LRCH3: variants seen among roughly 807,000 people sequenced by gnomAD.
LRCH3 encodes DISP complex protein LRCH3.
In LRCH3, 68 loss-of-function variants were observed where a neutral mutation model predicts 104.5. The ratio of observed to expected loss-of-function variants is 0.65; its 90% CI spans 0.54 to 0.80. The LOEUF (loss-of-function observed/expected upper bound fraction) is 0.80. LRCH3 is among the 30% of genes least tolerant of loss of function. The pLI is 0.00. For missense variants in LRCH3, 951 were observed against 953.9 expected, an observed-to-expected ratio of 1.00 and a Z score of 0.04; for synonymous variants, 344 against 361.3, an observed-to-expected ratio of 0.95 and a Z score of 0.54.
Position 197,885,610 on chromosome 3 carries a change from CA to C in LRCH3, c.*1951del. The C allele has an allele frequency of 6.6e-6, 1 of 152,278 alleles. No homozygotes were observed. The highest frequency in any genetic ancestry group is 1.5e-5 in the Non-Finnish European group (1 of 68,116). 9.4% of individuals were successfully genotyped at this position (152,278 alleles called of 1,614,324 possible). On this transcript the variant is annotated 3_prime_UTR_variant, in exon 21 of 21. Transcript: ENST00000425562. ...GGGCAACAAAAGCGAAATTCCATCT[CA>C]AAAAAAGAAAACGCGCCCCATCTCG...
rs1305627285 is a variant in LRCH3 at position 197,835,800 on chromosome 3, A to G, written c.1229A>G (p.Glu410Gly). 1.2e-6 allele frequency: 2 copies of G among 1,614,156 alleles called. No homozygotes were observed. The highest frequency in any genetic ancestry group is 1.1e-5 in the South Asian group (1 of 91,084). ...AGTTCACAGTTTATGGCGTATATTG[A>G]ACAGCGGCGAATCTCTCATGAGGTA... ...SLSSQFMAYI[E>G]QRRISHEGSP... is the part of the protein sequence containing the mutation. The change falls in exon 9 of 21, where the codon GAA (glutamate) becomes GGA (glycine). Residue 410 changes from glutamate (E) to glycine (G), a missense_variant. By Grantham distance (98) the Glu-to-Gly change is moderately conservative. Coordinates refer to ENST00000425562, the MANE Select transcript of LRCH3 (RefSeq NM_001365715.1).
chr3:197,887,083 T>C lies in LRCH3; in HGVS notation c.*3417T>C, dbSNP rs1714258170. The C allele has an allele frequency of 6.6e-6, 1 of 152,238 alleles. No individual in the cohort carries two copies. Among genetic ancestry groups the C allele is most frequent in the African/African-American group, 2.4e-5 (1 of 41,468 alleles). 9.4% of individuals were successfully genotyped at this position (152,238 alleles called of 1,614,324 possible). A position where few individuals can be genotyped will look rare whatever the true frequency, so the allele number is the denominator to read the frequency against. On this transcript the variant is annotated 3_prime_UTR_variant, in exon 21 of 21. Coordinates refer to ENST00000425562, the MANE Select transcript of LRCH3 (RefSeq NM_001365715.1). ...AAAATATCAAATGCTTTGAATTTTT[T>C]TTCTCTTTTTTCAAACCCTCTGCAG...
At chr3:197,872,940 G>A (rs1444974100) in intron 19 of LRCH3, among the ~76,000 whole-genome samples, 1 of 152,210 alleles carries the variant, frequency 6.6e-6, no homozygotes, top group East Asian at 1.9e-4. Flanking sequence ...AACAAGCCGG[G>A]ACTAAAGCCT....
rs551370178 is a variant in LRCH3 at position 197,883,895 on chromosome 3, C to A, written c.*229C>A. The A allele has an allele frequency of 5.6e-5, 25 of 443,140 alleles. No individual in the cohort carries two copies. The highest frequency in any genetic ancestry group is 4.8e-4 in the African/African-American group (24 of 49,518). 27.5% of individuals were successfully genotyped at this position (443,140 alleles called of 1,614,324 possible). On this transcript the variant is annotated 3_prime_UTR_variant, in exon 21 of 21. Transcript: ENST00000425562. The surrounding 1 kb of genome is among the most constrained non-coding windows in gnomAD (Gnocchi z 4.2). Reference sequence around the variant, plus strand: ...CCATTGGTTTTCTCAGATGAAACTTCTCTTACTGAAAACCCAGCACCTAAC... The same window carrying A: ...CCATTGGTTTTCTCAGATGAAACTTATCTTACTGAAAACCCAGCACCTAAC...
At chr3:197,873,852 C>T (rs1712537471) in intron 19 of LRCH3, among the ~76,000 whole-genome samples, 2 of 152,016 alleles carry the variant, frequency 1.3e-5, no homozygotes, top group Admixed American at 1.3e-4. Context: ...GAAACCCCAT[C>T]TCTACTAAAA....
chr3:197,813,537 T>C (rs1453189709), intron 1 of LRCH3, among the ~76,000 whole-genome samples: 3 of 125,362 alleles, frequency 2.4e-5, no homozygotes, highest in Non-Finnish European at 3.3e-5. Context: ...TTTTTTTTTT[T>C]TTTTTTTTTT....
intron 12 of LRCH3, 72 bp downstream of exon 12, chr3:197,848,093 G>A: frequency 2.0e-6 from 3 of 1,501,330 alleles, no homozygotes; most frequent in African/African-American, 1.4e-5. Context: ...AGGCCCGTTG[G>A]TTTTTATTGT....
chr3:197,867,578 G>T (rs1437219679), intron 17 of LRCH3, among the ~76,000 whole-genome samples: 1 of 152,006 alleles, frequency 6.6e-6, no homozygotes, highest in Non-Finnish European at 1.5e-5. Flanking sequence ...AATTGGCTGG[G>T]TGCGGTGGCT....
chr3:197,792,594 TATATATATATAAAATATAC>T (rs1461404863), intron 1 of LRCH3, among the ~76,000 whole-genome samples: 7 of 72,882 alleles, frequency 9.6e-5, no homozygotes, highest in Non-Finnish European at 1.7e-4. Context: ...TATATATATA[TATATATATATAAAATATAC>T]ATATATATAT....
chr3:197,869,535 G>A (rs1298114269), intron 17 of LRCH3, among the ~76,000 whole-genome samples: 1 of 148,104 alleles, frequency 6.8e-6, no homozygotes, highest in African/African-American at 2.6e-5. Context: ...CACTGTACCT[G>A]CAGGAGGTAG....
At position 197,847,722 on chromosome 3, in the gene LRCH3, A is replaced by T. The variant is rs79079984; in HGVS notation, c.1381-150A>T. Reference sequence around the variant, plus strand: ...ATAAGAACCGTGCAAAGACGGGAAAAGATTAGCCAATAAACACATTTCAAG... The same window carrying T: ...ATAAGAACCGTGCAAAGACGGGAAATGATTAGCCAATAAACACATTTCAAG... On this transcript the variant is annotated intron_variant, in intron 11 of 20. Transcript: ENST00000425562. 845 of 792,320 alleles carry T rather than the reference A, an allele frequency of 1.1e-3. 6 individuals are homozygous for T. The African/African-American group carries it at 0.013, about 12-fold the overall frequency. The allele number at this position is 792,320 out of a possible 1,614,324, so 49.1% of individuals were successfully genotyped here. A position where few individuals can be genotyped will look rare whatever the true frequency, so the allele number is the denominator to read the frequency against.
At chr3:197,797,029 A>G (rs969677100) in intron 1 of LRCH3, among the ~76,000 whole-genome samples, 5 of 150,574 alleles carry the variant, frequency 3.3e-5, no homozygotes, top group Middle Eastern at 6.3e-3. Flanking sequence ...TGTCTCTACT[A>G]AAAATACAAA....
intron 20 of LRCH3, chr3:197,882,569 A>G (rs1713874599): frequency 2.1e-6 from 2 of 957,504 alleles, no homozygotes; most frequent in African/African-American, 3.6e-5. Context: ...TAACAAACAT[A>G]TATAATCTTT....
intron 1 of LRCH3, among the ~76,000 whole-genome samples, chr3:197,806,223 G>T (rs1732471882): frequency 1.3e-5 from 2 of 152,064 alleles, no homozygotes; most frequent in Admixed American, 1.3e-4. Context: ...ACTGCGCCTG[G>T]CCTATGTTTT....
At chr3:197,846,399 A>C (rs902821990) in intron 10 of LRCH3, among the ~76,000 whole-genome samples, 1 of 149,794 alleles carries the variant, frequency 6.7e-6, no homozygotes. Context: ...AAAAAAAAAA[A>C]ACAAAAAAAA....
At chr3:197,858,792 A>C (rs1740560111) in intron 14 of LRCH3, 42 bp from the exon 15 acceptor site, 4 of 1,521,286 alleles carry the variant, frequency 2.6e-6, no homozygotes, top group Admixed American at 1.7e-5. Flanking sequence ...TGCTAACATA[A>C]ATGCTGCCTT....
intron 12 of LRCH3, chr3:197,851,075 T>A: frequency 1.6e-6 from 1 of 626,822 alleles, no homozygotes; most frequent in Non-Finnish European, 2.9e-6. Context: ...AGTGGCAGGA[T>A]TAAAATCCTG....
intron 10 of LRCH3, among the ~76,000 whole-genome samples, chr3:197,846,700 T>G (rs1040258827): frequency 2.6e-5 from 4 of 152,182 alleles, no homozygotes; most frequent in Admixed American, 2.0e-4. Flanking sequence ...AGGCTAATCA[T>G]CATAGTTTTG....
intron 20 of LRCH3, among the ~76,000 whole-genome samples, chr3:197,879,977 GCTCTGTCA>G (rs1560064134): frequency 6.9e-6 from 1 of 145,822 alleles, no homozygotes; most frequent in Admixed American, 6.9e-5. Context: ...ACGGAGTCTC[GCTCTGTCA>G]CCCAGGCTGG....
Sources: allele counts gnomAD v4.1 joint callset (sites outside exome capture counted in the v4.1 genomes callset), GRCh38; gene constraint gnomAD v4.1.1; non-coding constraint Gnocchi (gnomAD v3.1); transcripts MANE v1.5; gene names NCBI Gene and HGNC (gene_info 2026-07-23, HGNC 2026-07-21).